RELN: variants seen among roughly 807,000 people sequenced by gnomAD.
RELN encodes reelin.
RELN carries 108 observed loss-of-function variants against 427.6 expected under a neutral mutation model. The ratio of observed to expected loss-of-function variants is 0.25; its 90% CI spans 0.22 to 0.30. The LOEUF (loss-of-function observed/expected upper bound fraction) is 0.30. Among genes scored for constraint, RELN ranks in the 10% least tolerant of loss-of-function variants. RELN has a pLI of 1.00. For synonymous variants in RELN, 1,524 were observed against 1,513.4 expected (o/e 1.01, Z -0.16); for missense variants, 3,715 against 4,302.8 (o/e 0.86, Z 3.82).
At chr7:103,774,236 G>A (rs1791679452) in intron 4 of RELN, among the ~76,000 whole-genome samples, 1 of 149,924 alleles carries the variant, frequency 6.7e-6, no homozygotes, top group Non-Finnish European at 1.5e-5. Context: ...GGTGGAGGTT[G>A]TGGTTAGCCG....
chr7:103,792,407 C>T (rs751413930), intron 3 of RELN, among the ~76,000 whole-genome samples: 2 of 151,904 alleles, frequency 1.3e-5, no homozygotes, highest in Non-Finnish European at 2.9e-5. Context: ...AATGAAGTAC[C>T]GTTCATGCTA....
intron 7 of RELN, among the ~76,000 whole-genome samples, chr7:103,724,014 T>A (rs1315946698): frequency 6.6e-6 from 1 of 152,132 alleles, no homozygotes; most frequent in East Asian, 1.9e-4. Context: ...CTTTGACCCA[T>A]ACCAGCTCAA....
Position 103,640,751 on chromosome 7 carries a change from A to G in RELN, c.2003-142T>C, listed in dbSNP as rs1832679966. 2.5e-6 allele frequency: 2 copies of G among 787,538 alleles called. No homozygotes were observed. The highest frequency in any genetic ancestry group is 4.3e-6 in the Non-Finnish European group (2 of 463,190). 48.8% of individuals were successfully genotyped at this position (787,538 alleles called of 1,614,324 possible). A position where few individuals can be genotyped will look rare whatever the true frequency, so the allele number is the denominator to read the frequency against. On this transcript the variant is annotated intron_variant, in intron 16 of 64. Coordinates refer to ENST00000428762, the MANE Select transcript of RELN (RefSeq NM_005045.4). This position sits in a 1 kb window ranked among gnomAD's most constrained non-coding sequence, Gnocchi z 4.1. ...AGGGTGACATATGGAATGCTGTGTA[A>G]TAAGGTAAGTGCTTAGTTACAAAGC...
intron 2 of RELN, among the ~76,000 whole-genome samples, chr7:103,905,655 T>TCC (rs1795187709): frequency 6.6e-6 from 1 of 152,108 alleles, no homozygotes; most frequent in Non-Finnish European, 1.5e-5. Flanking sequence ...AAATATTTAT[T>TCC]GAGCACTGGT....
intron 46 of RELN, among the ~76,000 whole-genome samples, chr7:103,534,913 C>T (rs77165330): frequency 2.6e-4 from 39 of 152,148 alleles, no homozygotes; most frequent in African/African-American, 9.4e-4. Flanking sequence ...TAGGACATCA[C>T]TCACTCCTAT....
rs573898832 is a variant in RELN at position 103,864,142 on chromosome 7, GTC to G, written c.338-30472_338-30471del. Among the ~76,000 whole-genome samples the G allele has an allele frequency of 9.9e-5, 15 of 152,210 alleles. No individual in the cohort carries two copies. In the South Asian group the frequency reaches 2.9e-3, roughly 29 times the overall value. ...CACATCATTTACTTTTTACTCTTCT[GTC>G]TCTGTCAACCGTAATTGAAATCTCA... On this transcript the variant is annotated intron_variant, in intron 2 of 64. Coordinates refer to ENST00000428762, the MANE Select transcript of RELN (RefSeq NM_005045.4).
intron 7 of RELN, among the ~76,000 whole-genome samples, chr7:103,724,798 C>T (rs1193183820): frequency 6.8e-6 from 1 of 146,930 alleles, no homozygotes; most frequent in South Asian, 2.1e-4. Context: ...CAAGAAAGAA[C>T]AGGAAAGATG....
chr7:103,913,591 T>G (rs933201360), intron 2 of RELN, among the ~76,000 whole-genome samples: 4 of 152,180 alleles, frequency 2.6e-5, no homozygotes, highest in East Asian at 1.9e-4. Context: ...CCTTCTATAA[T>G]TTTCCTCTAC....
chr7:103,813,063 C>T (rs1792781981), intron 3 of RELN, among the ~76,000 whole-genome samples: 2 of 152,136 alleles, frequency 1.3e-5, no homozygotes, highest in African/African-American at 2.4e-5. Context: ...CATCTGAGAA[C>T]TTAATTAACT....
intron 27 of RELN, among the ~76,000 whole-genome samples, chr7:103,590,419 A>G (rs532651916): frequency 6.6e-6 from 1 of 151,970 alleles, no homozygotes; most frequent in Non-Finnish European, 1.5e-5. Context: ...AAAATTAGCC[A>G]GCGTGGTGGC....
intron 11 of RELN, among the ~76,000 whole-genome samples, chr7:103,681,788 A>G (rs181416345): frequency 3.3e-3 from 501 of 152,322 alleles, no homozygotes; most frequent in Non-Finnish European, 5.2e-3. Context: ...AAAAATCTCA[A>G]TATAATAGTA....
chr7:103,526,355 A>C (rs757407994), intron 46 of RELN, among the ~76,000 whole-genome samples: 6 of 152,192 alleles, frequency 3.9e-5, no homozygotes, highest in Non-Finnish European at 8.8e-5. Flanking sequence ...CTAACATGGG[A>C]GTTGGCCCCT....
intron 28 of RELN, among the ~76,000 whole-genome samples, chr7:103,576,384 C>A (rs1279540350): frequency 6.6e-6 from 1 of 152,148 alleles, no homozygotes; most frequent in East Asian, 1.9e-4. Context: ...ATGTGATCTG[C>A]CCGCCTCAGC....
intron 2 of RELN, among the ~76,000 whole-genome samples, chr7:103,911,567 C>T (rs531995922): frequency 1.2e-3 from 187 of 150,470 alleles, no homozygotes; most frequent in Admixed American, 2.1e-3. Context: ...ATGTTTATTG[C>T]GGCATTATTC....
At chr7:103,857,063 G>A (rs759597860) in intron 2 of RELN, among the ~76,000 whole-genome samples, 16 of 152,120 alleles carry the variant, frequency 1.1e-4, no homozygotes, top group Admixed American at 2.0e-4. Context: ...AACTATCCTA[G>A]TTGGTTACTT....
intron 46 of RELN, among the ~76,000 whole-genome samples, chr7:103,529,484 C>A (rs1829894246): frequency 6.6e-6 from 1 of 152,050 alleles, no homozygotes; most frequent in Non-Finnish European, 1.5e-5. Context: ...TGCCCTTCCA[C>A]TGACTCACCC....
At chr7:103,707,504 CTT>C (rs543258102) in intron 8 of RELN, among the ~76,000 whole-genome samples, 13 of 143,374 alleles carry the variant, frequency 9.1e-5, no homozygotes, top group South Asian at 2.2e-4. Context: ...TCTTTCTTTT[CTT>C]TTTTTTTTTT....
chr7:103,594,320 C>T lies in RELN; in HGVS notation c.3711+1G>A. 6.2e-7 allele frequency: 1 copy of T among 1,613,022 alleles called. No individual in the cohort carries two copies. On this transcript the variant is annotated splice_donor_variant, in intron 26 of 64. Coordinates refer to ENST00000428762, the MANE Select transcript of RELN (RefSeq NM_005045.4). LOFTEE classifies it high-confidence loss of function. ...CTTGGAGTTCAGACATAGGAGAATA[C>T]CTGAGGTAAAGTTGGATTGATAACT...
At chr7:103,969,604 C>CAAA (rs1418752135) in intron 1 of RELN, among the ~76,000 whole-genome samples, 2 of 152,168 alleles carry the variant, frequency 1.3e-5, no homozygotes, top group Non-Finnish European at 1.5e-5. Flanking sequence ...AGGTATCACT[C>CAAA]TTCTTAGCCA....
Sources: gnomAD v4.1 joint callset for allele counts (sites outside exome capture counted in the v4.1 genomes callset) on GRCh38, gnomAD v4.1.1 for gene constraint, Gnocchi (gnomAD v3.1) non-coding constraint, MANE v1.5 for transcripts, NCBI Gene and HGNC (gene_info 2026-07-23, HGNC 2026-07-21) for gene names.